The following HPCAL1 variants were observed in gnomAD, a reference collection of about 807,000 sequenced individuals.
HPCAL1 encodes the protein hippocalcin-like protein 1.
Under a neutral mutation model 17.1 loss-of-function variants are expected in HPCAL1, and 8 were observed. The observed-to-expected ratio is 0.47, with a 90% confidence interval of 0.27 to 0.84. The LOEUF is 0.84. Among genes scored for constraint, HPCAL1 ranks in the 40% least tolerant of loss-of-function variants. The probability of loss-of-function intolerance (pLI) is 0.13; values close to 1 mark genes in which losing one functional copy is unlikely to be tolerated. For synonymous variants in HPCAL1, 112 were observed against 111.4 expected (o/e 1.01, Z -0.03); for missense variants, 165 against 271.1 (o/e 0.61, Z 2.75).
intron 1 of HPCAL1, among the ~76,000 whole-genome samples, chr2:10,355,305 G>T (rs13395655): frequency 1.3e-5 from 2 of 151,116 alleles, no homozygotes; most frequent in Non-Finnish European, 3.0e-5. Context: ...CAAAAAATTA[G>T]CCGGGCGTAG....
At chr2:10,381,652 A>G (rs1464532892) in intron 1 of HPCAL1, among the ~76,000 whole-genome samples, 1 of 152,178 alleles carries the variant, frequency 6.6e-6, no homozygotes, top group East Asian at 1.9e-4. Context: ...GGTTCACAGT[A>G]AAGATTGGTC....
Position 10,304,792 on chromosome 2 carries a change from A to C in HPCAL1, c.-111+1615A>C. ...TTGGTGTCTTTCTCTGGGGGAAAAA[A>C]ATCGCCTTTAACCAAGGGAGCCAAG... On this transcript the variant is annotated intron_variant, in intron 1 of 4. Transcript: ENST00000307845. The surrounding 1 kb of genome is among the most constrained non-coding windows in gnomAD (Gnocchi z 4.1). Among the ~76,000 whole-genome samples the C allele has an allele frequency of 6.6e-6, 1 of 152,122 alleles. No individual in the cohort carries two copies. The highest frequency in any genetic ancestry group is 1.9e-4 in the East Asian group (1 of 5,190).
intron 1 of HPCAL1, among the ~76,000 whole-genome samples, chr2:10,308,575 C>G (rs949658404): frequency 7.9e-5 from 12 of 152,168 alleles, no homozygotes; most frequent in African/African-American, 2.9e-4. Context: ...ATCAATTTAT[C>G]CCCCAGCACC....
intron 1 of HPCAL1, among the ~76,000 whole-genome samples, chr2:10,326,725 C>T (rs142247400): frequency 3.4e-4 from 52 of 152,308 alleles, no homozygotes; most frequent in African/African-American, 1.2e-3. Flanking sequence ...TCCTCAGCAG[C>T]GTTCATGAGC....
chr2:10,335,204 A>G (rs936582061), intron 1 of HPCAL1, among the ~76,000 whole-genome samples: 7 of 152,210 alleles, frequency 4.6e-5, no homozygotes, highest in African/African-American at 1.7e-4. Context: ...AACAAATAGA[A>G]CACAGCAGGA....
chr2:10,419,946 G>A lies in HPCAL1; in HGVS notation c.189G>A (p.Lys63=), dbSNP rs772206196. The A allele has an allele frequency of 2.5e-6, 4 of 1,613,994 alleles. No individual in the cohort carries two copies. The South Asian group carries it at 4.4e-5, about 18-fold the overall frequency. ...TCTTCCCCTACGGCGACGCTTCCAAGTTCGCCGAGCACGTCTTCCGCACCT... is the reference window on the plus strand; with the variant it reads ...TCTTCCCCTACGGCGACGCTTCCAAATTCGCCGAGCACGTCTTCCGCACCT... ...ANFFPYGDAS[K]FAEHVFRTFD... Residue 63 remains lysine (K), a synonymous_variant, in exon 3 of 5, where the codon AAG becomes AAA. Transcript: ENST00000307845. The surrounding 1 kb of genome is among the most constrained non-coding windows in gnomAD (Gnocchi z 5.0).
At position 10,306,392 on chromosome 2, in the gene HPCAL1, A is replaced by G. The variant is rs1193016275; in HGVS notation, c.-111+3215A>G. Among the ~76,000 whole-genome samples the G allele has an allele frequency of 3.3e-5, 5 of 152,120 alleles. No homozygotes were observed. In the East Asian group the frequency reaches 5.8e-4, roughly 18 times the overall value. On this transcript the variant is annotated intron_variant, in intron 1 of 4. Coordinates refer to ENST00000307845, the MANE Select transcript of HPCAL1 (RefSeq NM_002149.4). Reference sequence around the variant, plus strand: ...GAGCAGACACTTGTAGATTTTAATCACACTCTACTTTGGGGCTCCCTGCTC... The same window carrying G: ...GAGCAGACACTTGTAGATTTTAATCGCACTCTACTTTGGGGCTCCCTGCTC...
chr2:10,420,600 T>C (rs1345979952), intron 3 of HPCAL1, among the ~76,000 whole-genome samples: 2 of 152,138 alleles, frequency 1.3e-5, no homozygotes, highest in African/African-American at 4.8e-5. Flanking sequence ...GGCAGACCCT[T>C]GCAAAGGGCA....
At chr2:10,383,574 G>T (rs762919161) in intron 1 of HPCAL1, among the ~76,000 whole-genome samples, 1 of 151,980 alleles carries the variant, frequency 6.6e-6, no homozygotes, top group Non-Finnish European at 1.5e-5. Flanking sequence ...TGTTGGCCAG[G>T]CTGGTCTCAA....
chr2:10,418,085 G>C (rs1670787080), intron 2 of HPCAL1, among the ~76,000 whole-genome samples: 1 of 149,776 alleles, frequency 6.7e-6, no homozygotes. Context: ...GATTGATATA[G>C]AGAGGATAAG....
intron 1 of HPCAL1, among the ~76,000 whole-genome samples, chr2:10,391,467 C>G (rs1462092606): frequency 3.9e-5 from 6 of 152,130 alleles, no homozygotes; most frequent in South Asian, 2.1e-4. Flanking sequence ...CATACCCTAC[C>G]ATTTACCCAT....
At position 10,419,998 on chromosome 2, in the gene HPCAL1, G is replaced by T; in HGVS notation, c.241G>T (p.Asp81Tyr). 2 of 1,613,992 alleles carry T rather than the reference G, an allele frequency of 1.2e-6. No individual in the cohort carries two copies. Among genetic ancestry groups the T allele is most frequent in the Non-Finnish European group, 1.7e-6 (2 of 1,180,034 alleles). ...CGACACCAACGGCGACGGCACCATCGACTTCCGGGAGTTCATCATTGCGCT... is the reference window on the plus strand; with the variant it reads ...CGACACCAACGGCGACGGCACCATCTACTTCCGGGAGTTCATCATTGCGCT... ...TFDTNGDGTI[D>Y]FREFIIALSV... Residue 81 changes from aspartate (D) to tyrosine (Y), a missense_variant, in exon 3 of 5, where the codon GAC becomes TAC. Coordinates refer to ENST00000307845, the MANE Select transcript of HPCAL1 (RefSeq NM_002149.4). This position sits in a 1 kb window ranked among gnomAD's most constrained non-coding sequence, Gnocchi z 5.0.
rs1665200540 is a variant in HPCAL1 at position 10,343,164 on chromosome 2, A to G, written c.-111+39987A>G. 6.6e-6 allele frequency among the ~76,000 whole-genome samples: 1 copy of G among 152,300 alleles called. No individual in the cohort carries two copies. Among genetic ancestry groups the G allele is most frequent in the East Asian group, 1.9e-4 (1 of 5,174 alleles). ...AGCCGTGCACTGTCACAATATTAAA[A>G]TAACTTCCATGGTAGTTGGTAAATA... On this transcript the variant is annotated intron_variant, in intron 1 of 4. Transcript: ENST00000307845. The surrounding 1 kb of genome is among the most constrained non-coding windows in gnomAD (Gnocchi z 4.8).
chr2:10,420,014 TC>T lies in HPCAL1; in HGVS notation c.258del (p.Ile87LeufsTer3). ...GDGTIDFREF[I>X]IALSVTSRGK... ...GGCACCATCGACTTCCGGGAGTTCA[TC>T]ATTGCGCTGAGCGTGACCTCGCGGG... On this transcript the variant is annotated frameshift_variant, in exon 3 of 5. Transcript: ENST00000307845. LOFTEE classifies it high-confidence loss of function. 3 of 1,613,950 alleles carry T rather than the reference TC, an allele frequency of 1.9e-6. No homozygotes were observed. Among genetic ancestry groups the T allele is most frequent in the Non-Finnish European group, 2.5e-6 (3 of 1,180,014 alleles).
Position 10,420,051 on chromosome 2 carries a change from G to A in HPCAL1, c.294G>A (p.Glu98=), listed in dbSNP as rs780231759. The change falls in exon 3 of 5, where the codon GAG becomes GAA. Residue 98 remains glutamate, a synonymous_variant. Transcript: ENST00000307845. ...ALSVTSRGKL[E]QKLKWAFSMY... Reference sequence around the variant, plus strand: ...GCGTGACCTCGCGGGGCAAGCTGGAGCAGAAGCTCAAGTGGGCCTTCAGCA... The same window carrying A: ...GCGTGACCTCGCGGGGCAAGCTGGAACAGAAGCTCAAGTGGGCCTTCAGCA... The A allele has an allele frequency of 3.0e-5, 48 of 1,613,778 alleles. No homozygotes were observed. The highest frequency in any genetic ancestry group is 3.7e-5 in the Non-Finnish European group (44 of 1,180,034).
intron 2 of HPCAL1, among the ~76,000 whole-genome samples, chr2:10,411,252 A>G (rs1028044246): frequency 1.3e-5 from 2 of 152,166 alleles, no homozygotes; most frequent in African/African-American, 4.8e-5. Flanking sequence ...TGGCATGGAA[A>G]GGGCCCAGAG....
rs1472754632 is a variant in HPCAL1 at position 10,344,937 on chromosome 2, GTCTC to G, written c.-111+41762_-111+41765del. 6.9e-6 allele frequency among the ~76,000 whole-genome samples: 1 copy of G among 144,338 alleles called. No individual in the cohort carries two copies. The highest frequency in any genetic ancestry group is 6.9e-5 in the Admixed American group (1 of 14,498). 94.7% of individuals were successfully genotyped at this position (144,338 alleles called of 152,430 possible). The stretch of plus-strand genomic sequence containing the variant: ...TGTGTCTCTCTCTCTGTGCCTTTCA[GTCTC>G]TTTCTGCCTCTCTCTATGTGTCCAT... On this transcript the variant is annotated intron_variant, in intron 1 of 4. Coordinates refer to ENST00000307845, the MANE Select transcript of HPCAL1 (RefSeq NM_002149.4). This position sits in a 1 kb window ranked among gnomAD's most constrained non-coding sequence, Gnocchi z 4.9.
At chr2:10,416,027 G>A (rs1302393946) in intron 2 of HPCAL1, among the ~76,000 whole-genome samples, 1 of 152,186 alleles carries the variant, frequency 6.6e-6, no homozygotes, top group African/African-American at 2.4e-5. Context: ...CTGTCCTTCT[G>A]CCGTCCATCT....
chr2:10,373,124 G>A (rs1667331575), intron 1 of HPCAL1, among the ~76,000 whole-genome samples: 1 of 152,278 alleles, frequency 6.6e-6, no homozygotes, highest in Non-Finnish European at 1.5e-5. Context: ...GCCGGGGCCG[G>A]GGTTTTCCTG....
Sources: gnomAD v4.1 joint callset for allele counts (sites outside exome capture counted in the v4.1 genomes callset) on GRCh38, gnomAD v4.1.1 for gene constraint, Gnocchi (gnomAD v3.1) non-coding constraint, MANE v1.5 for transcripts, NCBI Gene and HGNC (gene_info 2026-07-23, HGNC 2026-07-21) for gene names.